The following SLCO6A1 variants were observed in gnomAD, a reference collection of about 807,000 sequenced individuals.
The protein encoded by SLCO6A1 is solute carrier organic anion transporter family member 6A1, also known as cancer/testis antigen 48.
In SLCO6A1, 65 loss-of-function variants were observed where a neutral mutation model predicts 72.7. The observed-to-expected ratio is 0.89, with a 90% CI of 0.73 to 1.10. SLCO6A1 has a LOEUF of 1.10. Ranked by LOEUF, SLCO6A1 falls within the 50% of genes least tolerant of loss-of-function variation. SLCO6A1 has a pLI of 0.00. For missense variants in SLCO6A1, 874 were observed against 872.6 expected (o/e 1.00, Z -0.02); for synonymous variants, 314 against 298.2 (o/e 1.05, Z -0.55).
chr5:102,485,366 GA>G (rs1465140617), intron 1 of SLCO6A1, among the ~76,000 whole-genome samples: 2 of 152,216 alleles, frequency 1.3e-5, no homozygotes, highest in Admixed American at 6.5e-5. Context: ...TAAGCCCTTG[GA>G]ATATTCTATC....
At chr5:102,413,628 T>C (rs1748113616) in intron 8 of SLCO6A1, among the ~76,000 whole-genome samples, 1 of 152,214 alleles carries the variant, frequency 6.6e-6, no homozygotes, top group Non-Finnish European at 1.5e-5. Context: ...CTTGGGTAAA[T>C]ATTAAGAAAT....
At chr5:102,431,684 G>A (rs1435056139) in intron 7 of SLCO6A1, among the ~76,000 whole-genome samples, 1 of 152,304 alleles carries the variant, frequency 6.6e-6, no homozygotes, top group South Asian at 2.1e-4. Flanking sequence ...GTGCCATGTG[G>A]CAATGAGAAG....
intron 12 of SLCO6A1, among the ~76,000 whole-genome samples, chr5:102,384,861 C>T (rs1746318985): frequency 6.6e-6 from 1 of 152,044 alleles, no homozygotes; most frequent in Admixed American, 6.6e-5. Flanking sequence ...TTCAATTCAA[C>T]ATTAAGACCT....
chr5:102,480,278 A>T lies in SLCO6A1; in HGVS notation c.515T>A (p.Ile172Lys), dbSNP rs1436465036. The change falls in exon 2 of 14, where the codon ATA (isoleucine) becomes AAA (lysine). Residue 172 changes from isoleucine (I) to lysine (K), a missense_variant. Transcript: ENST00000506729. ...TAAAAAGGAGGAAGCTACAAACCAT[A>T]TTACTTTTTTTCTGTCTCCATAGAA... ...IAFYGDRKKV[I>K]WFVASSFLIG... 6.2e-7 allele frequency: 1 copy of T among 1,613,416 alleles called. No individual in the cohort carries two copies. The highest frequency in any genetic ancestry group is 8.5e-7 in the Non-Finnish European group (1 of 1,179,648).
intron 1 of SLCO6A1, among the ~76,000 whole-genome samples, chr5:102,494,219 T>C (rs954278444): frequency 6.6e-6 from 1 of 152,114 alleles, no homozygotes; most frequent in African/African-American, 2.4e-5. Flanking sequence ...GAATAAAGCA[T>C]TTTTTCTATA....
intron 8 of SLCO6A1, among the ~76,000 whole-genome samples, chr5:102,416,640 T>C (rs954544742): frequency 6.6e-6 from 1 of 152,136 alleles, no homozygotes; most frequent in African/African-American, 2.4e-5. Flanking sequence ...TGTATATTAT[T>C]TGGGTGATAG....
Position 102,458,396 on chromosome 5 carries a change from A to G in SLCO6A1, c.1117T>C (p.Cys373Arg). Reference protein sequence around the residue: ...LKLGTNIKDLCAALWILMKNP... With the variant: ...LKLGTNIKDLRAALWILMKNP... Reference sequence around the variant, plus strand: ...TTTTACTTTACCCAAAGAGCAGCACATAAATCCTTGATATTAGTTCCAAGT... The same window carrying G: ...TTTTACTTTACCCAAAGAGCAGCACGTAAATCCTTGATATTAGTTCCAAGT... The change falls in exon 6 of 14, where the codon TGT (cysteine) becomes CGT (arginine). Residue 373 changes from cysteine (C) to arginine (R), a missense_variant. Coordinates refer to ENST00000506729, the MANE Select transcript of SLCO6A1 (RefSeq NM_173488.5). The G allele has an allele frequency of 6.2e-7, 1 of 1,610,614 alleles. No individual in the cohort carries two copies. The highest frequency in any genetic ancestry group is 8.5e-7 in the Non-Finnish European group (1 of 1,177,868).
chr5:102,393,846 C>T (rs908732122), intron 10 of SLCO6A1, among the ~76,000 whole-genome samples: 7 of 152,222 alleles, frequency 4.6e-5, no homozygotes, highest in African/African-American at 1.7e-4. Flanking sequence ...CTAAATGAGC[C>T]TCTTGATGGA....
intron 1 of SLCO6A1, among the ~76,000 whole-genome samples, chr5:102,490,087 A>G (rs1411272094): frequency 6.6e-6 from 1 of 152,196 alleles, no homozygotes; most frequent in African/African-American, 2.4e-5. Context: ...GAGGCTGGAG[A>G]GGGTGGAAGG....
intron 10 of SLCO6A1, among the ~76,000 whole-genome samples, chr5:102,392,543 T>C (rs1292887853): frequency 6.6e-6 from 1 of 152,100 alleles, no homozygotes; most frequent in East Asian, 1.9e-4. Context: ...TATCTTCAGT[T>C]TGATTGCCAC....
At chr5:102,460,271 C>T (rs112165356) in intron 4 of SLCO6A1, among the ~76,000 whole-genome samples, 8 of 152,052 alleles carry the variant, frequency 5.3e-5, no homozygotes, top group East Asian at 1.9e-4. Flanking sequence ...GTCCCTTCTC[C>T]GAACTTTCAG....
chr5:102,480,338 T>C lies in SLCO6A1; in HGVS notation c.455A>G (p.Asp152Gly). 6.2e-7 allele frequency: 1 copy of C among 1,613,652 alleles called. No homozygotes were observed. Among genetic ancestry groups the C allele is most frequent in the Non-Finnish European group, 8.5e-7 (1 of 1,179,772 alleles). The part of the protein sequence containing the change: ...IEKLALEKSY[D>G]ISSGLVAIFI... ...TATTGCTACCAGGCCAGATGAAATA[T>C]CGTAACTCTTTTCCAATGCCAACTT... Residue 152 changes from aspartate (D) to glycine (G), a missense_variant, in exon 2 of 14, where the codon GAT (aspartate) becomes GGT (glycine). Physicochemically the swap from Asp to Gly is moderately conservative, Grantham distance 94. Coordinates refer to ENST00000506729, the MANE Select transcript of SLCO6A1 (RefSeq NM_173488.5).
chr5:102,472,559 T>C (rs1751683329), intron 4 of SLCO6A1, among the ~76,000 whole-genome samples: 2 of 152,014 alleles, frequency 1.3e-5, no homozygotes, highest in Admixed American at 1.3e-4. Flanking sequence ...TAGTTCCCAA[T>C]ATATAATTAA....
chr5:102,447,699 A>G (rs1750191792), intron 6 of SLCO6A1, among the ~76,000 whole-genome samples: 1 of 151,944 alleles, frequency 6.6e-6, no homozygotes, highest in African/African-American at 2.4e-5. Context: ...TTTTTGTATA[A>G]CTGTGAGGTT....
Position 102,385,432 on chromosome 5 carries a change from T to C in SLCO6A1, c.2017+3256A>G, listed in dbSNP as rs73774683. 5.8e-3 allele frequency among the ~76,000 whole-genome samples: 888 copies of C among 152,300 alleles called. 9 individuals are homozygous for C. The highest frequency in any genetic ancestry group is 0.02 in the African/African-American group (852 of 41,572). On this transcript the variant is annotated intron_variant, in intron 12 of 13. Transcript: ENST00000506729. ...TTCTCTGTTCCTTCTGGGACTCTCA[T>C]AATGCATAGATTGGTTTGCTTCATG...
chr5:102,390,210 G>A (rs532809260), intron 11 of SLCO6A1, among the ~76,000 whole-genome samples: 10 of 152,048 alleles, frequency 6.6e-5, no homozygotes, highest in Non-Finnish European at 1.5e-4. Flanking sequence ...CTCCCTTTCC[G>A]ATGCAGGAAA....
chr5:102,460,346 C>A (rs1462511935), intron 4 of SLCO6A1, among the ~76,000 whole-genome samples: 1 of 152,138 alleles, frequency 6.6e-6, no homozygotes, highest in African/African-American at 2.4e-5. Flanking sequence ...TTGCTGTCTT[C>A]TGTCTTCTCT....
At chr5:102,426,397 A>G (rs1000374970) in intron 7 of SLCO6A1, among the ~76,000 whole-genome samples, 19 of 152,210 alleles carry the variant, frequency 1.2e-4, no homozygotes, top group African/African-American at 4.6e-4. Context: ...TCCAGAATCT[A>G]CAAGGAACTT....
chr5:102,441,858 T>A (rs1749851455), intron 6 of SLCO6A1, among the ~76,000 whole-genome samples: 1 of 151,790 alleles, frequency 6.6e-6, no homozygotes, highest in South Asian at 2.1e-4. Context: ...ATTCTTTTTA[T>A]TTATTCTATA....
Sources: gnomAD v4.1 joint callset for allele counts (sites outside exome capture counted in the v4.1 genomes callset) on GRCh38, gnomAD v4.1.1 for gene constraint, MANE v1.5 for transcripts, NCBI Gene and HGNC (gene_info 2026-07-23, HGNC 2026-07-21) for gene names.